EYS: variants seen among roughly 807,000 people sequenced by gnomAD.
The protein encoded by EYS is EGF-like photoreceptor maintenance factor.
In EYS, 250 loss-of-function variants were observed where a neutral mutation model predicts 282.1. The ratio of observed to expected loss-of-function variants is 0.89; its 90% confidence interval spans 0.80 to 0.98. The LOEUF is 0.98. Ranked by LOEUF, EYS falls within the 50% of genes least tolerant of loss-of-function variation. The pLI is 0.00. For synonymous variants in EYS, 1,355 were observed against 1,282.9 expected (o/e 1.06, Z -1.20); for missense variants, 4,016 against 3,709.0 (o/e 1.08, Z -2.15).
chr6:64,593,432 AT>A, intron 24 of EYS, 123 bp from the exon 25 acceptor site: 1 of 627,716 alleles, frequency 1.6e-6, no homozygotes, highest in Non-Finnish European at 2.5e-6. Flanking sequence ...CAAATAAAAT[AT>A]TTTACTTGAA....
chr6:64,337,791 G>A (rs994732880), intron 29 of EYS, among the ~76,000 whole-genome samples: 1 of 152,036 alleles, frequency 6.6e-6, no homozygotes, highest in Non-Finnish European at 1.5e-5. Flanking sequence ...ATGATCAAGT[G>A]GGTTTCATAC....
At chr6:65,089,394 A>G (rs1774485203) in intron 12 of EYS, among the ~76,000 whole-genome samples, 1 of 152,164 alleles carries the variant, frequency 6.6e-6, no homozygotes, top group Non-Finnish European at 1.5e-5. Flanking sequence ...ATGTAAGACA[A>G]GGGGTCAAAG....
At chr6:64,959,901 A>T in intron 14 of EYS, among the ~76,000 whole-genome samples, 1 of 139,828 alleles carries the variant, frequency 7.2e-6, no homozygotes, top group Admixed American at 7.3e-5. Flanking sequence ...TTTTTTTTTA[A>T]GAAGAACCAC....
chr6:63,992,685 G>A (rs964134102), intron 34 of EYS, among the ~76,000 whole-genome samples: 1 of 151,696 alleles, frequency 6.6e-6, no homozygotes, highest in African/African-American at 2.4e-5. Context: ...TCATTAAAAA[G>A]TCACAAAGGA....
chr6:63,758,001 G>A (rs1318749536), intron 41 of EYS, among the ~76,000 whole-genome samples: 2 of 152,158 alleles, frequency 1.3e-5, no homozygotes, highest in Non-Finnish European at 2.9e-5. Context: ...GTGGACCCAA[G>A]CATTCCTCCT....
intron 33 of EYS, among the ~76,000 whole-genome samples, chr6:64,024,360 C>G (rs1396423941): frequency 6.6e-6 from 1 of 152,052 alleles, no homozygotes; most frequent in South Asian, 2.1e-4. Context: ...TGGTGACACT[C>G]TGTATCTAGC....
At chr6:63,846,651 T>C (rs1772104907) in intron 36 of EYS, among the ~76,000 whole-genome samples, 1 of 152,174 alleles carries the variant, frequency 6.6e-6, no homozygotes, top group Non-Finnish European at 1.5e-5. Context: ...AGTAAAATGC[T>C]TACTTTCAAA....
chr6:63,802,484 T>G (rs1770805036), intron 37 of EYS, among the ~76,000 whole-genome samples: 1 of 152,068 alleles, frequency 6.6e-6, no homozygotes, highest in African/African-American at 2.4e-5. Context: ...AAACAAATAT[T>G]AGTTGCATAA....
intron 22 of EYS, among the ~76,000 whole-genome samples, chr6:64,683,210 A>ATTT (rs902267392): frequency 3.3e-5 from 5 of 152,120 alleles, no homozygotes; most frequent in African/African-American, 9.7e-5. Flanking sequence ...TTCACAATCC[A>ATTT]TTTTTTTAAA....
At chr6:64,484,636 T>A (rs535094327) in intron 26 of EYS, among the ~76,000 whole-genome samples, 13 of 151,748 alleles carry the variant, frequency 8.6e-5, no homozygotes, top group African/African-American at 3.1e-4. Flanking sequence ...TACTTTAAAT[T>A]ATAAGATGAA....
chr6:65,371,676 T>G (rs539984111), intron 8 of EYS, among the ~76,000 whole-genome samples: 1 of 150,872 alleles, frequency 6.6e-6, no homozygotes, highest in African/African-American at 2.4e-5. Flanking sequence ...AGTTTAATTA[T>G]GTGAGCCTTC....
rs183071357 is a variant in EYS at position 65,098,353 on chromosome 6, G to A, written c.2024-40626C>T. 1.1e-4 allele frequency among the ~76,000 whole-genome samples: 16 copies of A among 150,748 alleles called. No homozygotes were observed. The East Asian group carries it at 3.1e-3, about 29-fold the overall frequency. ...TCGGGGTTTTAGAAGCAAATTCTGT[G>A]CTTGAGATGAATCCAGCTGAGATCC... is the stretch of plus-strand genomic sequence containing the variant. On this transcript the variant is annotated intron_variant, in intron 12 of 42. Coordinates refer to ENST00000503581, the MANE Select transcript of EYS (RefSeq NM_001142800.2).
chr6:65,660,896 T>C (rs1049209501), intron 1 of EYS, among the ~76,000 whole-genome samples: 2 of 151,986 alleles, frequency 1.3e-5, no homozygotes, highest in African/African-American at 4.8e-5. Flanking sequence ...TTTATGTAAT[T>C]GCTTTAATAC....
intron 35 of EYS, among the ~76,000 whole-genome samples, chr6:63,939,255 A>G (rs1254528206): frequency 6.6e-6 from 1 of 152,072 alleles, no homozygotes; most frequent in Non-Finnish European, 1.5e-5. Context: ...AAGGGGTACT[A>G]GAGGATTGAG....
chr6:64,080,934 G>A (rs567240139), intron 32 of EYS, among the ~76,000 whole-genome samples: 2 of 152,124 alleles, frequency 1.3e-5, no homozygotes, highest in South Asian at 2.1e-4. Flanking sequence ...TTTGGTACCA[G>A]TACCATGCTG....
At chr6:64,557,217 T>TACACAC (rs3994994) in intron 26 of EYS, among the ~76,000 whole-genome samples, 101 of 148,028 alleles carry the variant, frequency 6.8e-4, no homozygotes, top group East Asian at 1.6e-3. Context: ...CACACACACA[T>TACACAC]ACACACACAC....
intron 23 of EYS, among the ~76,000 whole-genome samples, chr6:64,624,317 G>T (rs190018104): frequency 9.9e-5 from 15 of 152,112 alleles, no homozygotes; most frequent in Non-Finnish European, 1.8e-4. Flanking sequence ...AACAGAAAAT[G>T]AATCTAGTAG....
At chr6:65,640,422 T>G (rs1325998303) in intron 1 of EYS, among the ~76,000 whole-genome samples, 1 of 38,192 alleles carries the variant, frequency 2.6e-5, no homozygotes, top group Non-Finnish European at 9.0e-5. Context: ...TAAAAAGAGT[T>G]TTTTTTTTCC....
chr6:63,955,488 G>T (rs1346713353), intron 35 of EYS, among the ~76,000 whole-genome samples: 1 of 151,948 alleles, frequency 6.6e-6, no homozygotes, highest in Non-Finnish European at 1.5e-5. Context: ...CCATTCTTAT[G>T]CCACCCTCTA....
Sources: gnomAD v4.1 joint callset for allele counts (sites outside exome capture counted in the v4.1 genomes callset) on GRCh38, gnomAD v4.1.1 for gene constraint, MANE v1.5 for transcripts, NCBI Gene and HGNC (gene_info 2026-07-23, HGNC 2026-07-21) for gene names.